Variants in PAK3 observed in about 807,000 individuals in gnomAD.
PAK3 encodes p21 (RAC1) activated kinase 3, also known as serine/threonine-protein kinase PAK 3.
A neutral mutation model predicts 41.0 loss-of-function variants in PAK3; 4 were observed. The observed-to-expected ratio is 0.10, with a 90% CI of 0.05 to 0.22. The LOEUF (loss-of-function observed/expected upper bound fraction) is 0.22, where lower values mean the gene tolerates loss of function less well. Among genes scored for constraint, PAK3 ranks in the 10% least tolerant of loss-of-function variants. The pLI, the probability that PAK3 is intolerant of heterozygous loss-of-function variation, is 1.00. For synonymous variants in PAK3, 146 were observed against 139.6 expected (o/e 1.05, Z -0.32); for missense variants, 205 against 409.9 (o/e 0.50, Z 4.32).
chrX:111,098,972 C>T (rs2093066831), intron 3 of PAK3, among the ~76,000 whole-genome samples: 1 of 110,509 alleles, frequency 9.0e-6, no homozygotes. Context: ...CTGGAATGGA[C>T]TCGTCTGCCA....
intron 1 of PAK3, among the ~76,000 whole-genome samples, chrX:111,068,440 C>G (rs890037125): frequency 8.9e-6 from 1 of 112,026 alleles, no homozygotes; most frequent in Non-Finnish European, 1.9e-5. Context: ...GCTGAGATCA[C>G]AGGTGTGTGC....
At chrX:110,982,121 G>A (rs755988100) in intron 1 of PAK3, among the ~76,000 whole-genome samples, 52 of 111,893 alleles carry the variant, frequency 4.6e-4, no homozygotes, top group African/African-American at 1.6e-3. Flanking sequence ...AATTGGTTAA[G>A]GATTGAAGCT....
intron 12 of PAK3, 143 bp from the exon 13 acceptor site, chrX:111,192,363 A>G: frequency 1.9e-6 from 1 of 516,963 alleles, no homozygotes; most frequent in Admixed American, 3.4e-5. Flanking sequence ...TAAAAAAAAA[A>G]GTGGGGGGCA....
At chrX:111,132,334 A>G (rs2093730506) in intron 5 of PAK3, among the ~76,000 whole-genome samples, 1 of 111,558 alleles carries the variant, frequency 9.0e-6, no homozygotes, top group Non-Finnish European at 1.9e-5. Context: ...TAAATATGAC[A>G]GATCTCTAAC....
upstream of PAK3, among the ~76,000 whole-genome samples, chrX:111,093,181 C>T (rs1205199579): frequency 1.8e-5 from 2 of 112,023 alleles, no homozygotes; most frequent in Admixed American, 1.9e-4. Flanking sequence ...AAACATAGAA[C>T]TGAGAATTGG....
At chrX:110,976,596 A>C (rs1336304860) in intron 1 of PAK3, among the ~76,000 whole-genome samples, 1 of 111,924 alleles carries the variant, frequency 8.9e-6, no homozygotes, top group Non-Finnish European at 1.9e-5. Context: ...TGACCCAGCA[A>C]TCCCATTACT....
intron 16 of PAK3, among the ~76,000 whole-genome samples, chrX:111,206,923 T>C (rs1358065732): frequency 1.8e-5 from 2 of 110,972 alleles, no homozygotes; most frequent in Non-Finnish European, 3.8e-5. Flanking sequence ...GTAAACTAAG[T>C]CATAAGGTGT....
chrX:111,219,833 G>A (rs977735414), intron 17 of PAK3, among the ~76,000 whole-genome samples: 8 of 111,271 alleles, frequency 7.2e-5, no homozygotes, highest in African/African-American at 2.3e-4. Flanking sequence ...GTGCACATGC[G>A]CATGGAAGAG....
chrX:110,984,775 C>T (rs187192730), intron 1 of PAK3, among the ~76,000 whole-genome samples: 35 of 110,694 alleles, frequency 3.2e-4, no homozygotes, highest in African/African-American at 1.2e-3. Context: ...CTTACGCCCC[C>T]CCGCCCCCGC....
chrX:111,209,992 T>C (rs1003843555), intron 16 of PAK3, among the ~76,000 whole-genome samples: 2 of 111,870 alleles, frequency 1.8e-5, no homozygotes, highest in Admixed American at 1.9e-4. Flanking sequence ...GTAAATTCAG[T>C]TGCACATCAG....
chrX:111,111,796 G>T (rs2093376070), intron 4 of PAK3, among the ~76,000 whole-genome samples: 1 of 111,251 alleles, frequency 9.0e-6, no homozygotes, highest in African/African-American at 3.3e-5. Context: ...TACTCCTCTG[G>T]GCCTCTTGGC....
At chrX:110,995,800 A>C (rs748085009) in intron 1 of PAK3, among the ~76,000 whole-genome samples, 2 of 110,933 alleles carry the variant, frequency 1.8e-5, no homozygotes, top group East Asian at 5.7e-4. Flanking sequence ...ACCTGCGCTG[A>C]TCTACTGTTC....
chrX:111,061,961 C>T (rs934697079), intron 1 of PAK3, among the ~76,000 whole-genome samples: 9 of 110,061 alleles, frequency 8.2e-5, no homozygotes, highest in African/African-American at 3.0e-4. Flanking sequence ...ACTACAGGCA[C>T]CCACCATAAC....
At chrX:111,034,110 A>G (rs1371654237) in intron 1 of PAK3, among the ~76,000 whole-genome samples, 3 of 111,065 alleles carry the variant, frequency 2.7e-5, no homozygotes, top group Non-Finnish European at 3.8e-5. Flanking sequence ...TTATTTCTGC[A>G]TTTTGTTTTC....
intron 1 of PAK3, among the ~76,000 whole-genome samples, chrX:110,997,996 T>C (rs376071752): frequency 1.1e-4 from 12 of 111,815 alleles, no homozygotes; most frequent in African/African-American, 3.9e-4. Context: ...GAAATACATT[T>C]CTATTGTGCA....
At chrX:111,031,582 T>C (rs764220875) in intron 1 of PAK3, among the ~76,000 whole-genome samples, 3 of 111,729 alleles carry the variant, frequency 2.7e-5, no homozygotes, top group Non-Finnish European at 5.6e-5. Context: ...GATTGTGTAC[T>C]TGTTGTTTCT....
chrX:111,219,953 G>C (rs1464124308), intron 17 of PAK3, among the ~76,000 whole-genome samples: 1 of 112,105 alleles, frequency 8.9e-6, no homozygotes, highest in Non-Finnish European at 1.9e-5. Flanking sequence ...GGGGCCAAAA[G>C]AGAAATGGTA....
intron 4 of PAK3, 43 bp from the exon 5 acceptor site, chrX:111,123,034 C>T (rs779134714): frequency 1.6e-5 from 12 of 768,262 alleles, no homozygotes; most frequent in South Asian, 1.0e-4. Flanking sequence ...GGTTTTTAGA[C>T]CTCTTCTCCC....
chrX:111,200,017 G>T (rs2094662475), intron 16 of PAK3, among the ~76,000 whole-genome samples: 1 of 110,945 alleles, frequency 9.0e-6, no homozygotes, highest in South Asian at 3.8e-4. Flanking sequence ...AAGAAAATAT[G>T]CACAGATTCA....
Sources: allele counts gnomAD v4.1 joint callset (sites outside exome capture counted in the v4.1 genomes callset), GRCh38; gene constraint gnomAD v4.1.1; transcripts MANE v1.5; gene names NCBI Gene and HGNC (gene_info 2026-07-23, HGNC 2026-07-21).